The following NBEA variants were observed in gnomAD, a reference collection of about 807,000 sequenced individuals.
The protein encoded by NBEA is lysosomal-trafficking regulator 2.
A neutral mutation model predicts 343.4 loss-of-function variants in NBEA; 44 were observed. The ratio of observed to expected loss-of-function variants is 0.13; its 90% CI spans 0.10 to 0.16. NBEA has a LOEUF of 0.16. NBEA is among the 10% of genes least tolerant of loss of function. The pLI is 1.00. For missense variants in NBEA, 2,555 were observed against 3,631.3 expected (o/e 0.70, Z 7.62); for synonymous variants, 1,175 against 1,238.7 (o/e 0.95, Z 1.08).
At chr13:35,151,404 G>A (rs889832236) in intron 18 of NBEA, among the ~76,000 whole-genome samples, 11 of 151,824 alleles carry the variant, frequency 7.2e-5, no homozygotes, top group Admixed American at 5.3e-4. Flanking sequence ...TTAGCCAGGC[G>A]TGGTGGCGCA....
At chr13:35,250,396 G>A (rs1481370582) in intron 34 of NBEA, among the ~76,000 whole-genome samples, 1 of 152,072 alleles carries the variant, frequency 6.6e-6, no homozygotes, top group East Asian at 1.9e-4. Flanking sequence ...ATTTGTGGAT[G>A]GGTTAAATAC....
At chr13:35,288,714 T>C (rs1594088482) in intron 34 of NBEA, among the ~76,000 whole-genome samples, 1 of 152,100 alleles carries the variant, frequency 6.6e-6, no homozygotes, top group East Asian at 1.9e-4. Flanking sequence ...TTATTATATA[T>C]TTAAAAACTC....
intron 1 of NBEA, among the ~76,000 whole-genome samples, chr13:34,951,759 G>A (rs1247704251): frequency 1.3e-5 from 2 of 152,190 alleles, no homozygotes; most frequent in Non-Finnish European, 2.9e-5. Context: ...TTCTCTCACA[G>A]GGCTGACTTT....
intron 17 of NBEA, among the ~76,000 whole-genome samples, chr13:35,134,885 T>G (rs150536805): frequency 4.1e-4 from 62 of 152,108 alleles, no homozygotes; most frequent in African/African-American, 1.4e-3. Flanking sequence ...GAAAGCCTTT[T>G]CAAATTATAG....
intron 36 of NBEA, among the ~76,000 whole-genome samples, chr13:35,333,511 G>A (rs142840225): frequency 1.5e-3 from 221 of 152,048 alleles, no homozygotes; most frequent in African/African-American, 5.0e-3. Context: ...GGTATCCAGC[G>A]CCTCAGGCAT....
intron 41 of NBEA, among the ~76,000 whole-genome samples, chr13:35,513,421 G>A (rs983662348): frequency 6.7e-6 from 1 of 149,846 alleles, no homozygotes; most frequent in Non-Finnish European, 1.5e-5. Flanking sequence ...AAAGTGCTAG[G>A]ATTACAGGCA....
At chr13:35,575,436 A>G (rs551435474) in intron 45 of NBEA, among the ~76,000 whole-genome samples, 2 of 152,170 alleles carry the variant, frequency 1.3e-5, no homozygotes, top group Non-Finnish European at 2.9e-5. Flanking sequence ...TTGATTGGAA[A>G]GGTTTTGTTT....
intron 29 of NBEA, 144 bp downstream of exon 29, chr13:35,182,672 C>T (rs1282961483): frequency 4.0e-6 from 3 of 749,810 alleles, no homozygotes; most frequent in East Asian, 3.1e-5. Flanking sequence ...ATTTAGTATT[C>T]CTTAATTCAA....
At chr13:35,212,485 C>G (rs2073838039) in intron 33 of NBEA, among the ~76,000 whole-genome samples, 1 of 152,026 alleles carries the variant, frequency 6.6e-6, no homozygotes, top group South Asian at 2.1e-4. Context: ...CTTATAATTA[C>G]TATGAGTATA....
intron 41 of NBEA, among the ~76,000 whole-genome samples, chr13:35,487,476 G>T: frequency 6.6e-6 from 1 of 151,872 alleles, no homozygotes; most frequent in Non-Finnish European, 1.5e-5. Flanking sequence ...GGGCAGGAAA[G>T]AACTCTGGAG....
chr13:34,959,776 T>C (rs1278828250), intron 1 of NBEA, among the ~76,000 whole-genome samples: 2 of 152,034 alleles, frequency 1.3e-5, no homozygotes, highest in Non-Finnish European at 1.5e-5. Context: ...AAAATTCTTA[T>C]CTCCTAGTGA....
chr13:35,528,599 G>A (rs2078097379), intron 41 of NBEA, among the ~76,000 whole-genome samples: 1 of 152,128 alleles, frequency 6.6e-6, no homozygotes, highest in South Asian at 2.1e-4. Flanking sequence ...GGGTCAGTAG[G>A]CCACAGCTCT....
intron 39 of NBEA, among the ~76,000 whole-genome samples, chr13:35,443,645 A>G (rs2045854583): frequency 6.6e-6 from 1 of 151,974 alleles, no homozygotes; most frequent in South Asian, 2.1e-4. Flanking sequence ...CAACAAATAG[A>G]AAGTCTATTT....
intron 49 of NBEA, among the ~76,000 whole-genome samples, chr13:35,629,213 G>T (rs2083352229): frequency 6.6e-6 from 1 of 152,122 alleles, no homozygotes. Flanking sequence ...TCAAGGAAGT[G>T]ATATCCCAGT....
intron 38 of NBEA, among the ~76,000 whole-genome samples, chr13:35,363,783 C>T (rs1357064645): frequency 6.6e-6 from 1 of 151,904 alleles, no homozygotes; most frequent in Non-Finnish European, 1.5e-5. Context: ...GTTTGAACCT[C>T]TGACAGTTAA....
At chr13:35,573,635 A>T (rs903725080) in intron 45 of NBEA, among the ~76,000 whole-genome samples, 3 of 152,108 alleles carry the variant, frequency 2.0e-5, no homozygotes, top group Non-Finnish European at 2.9e-5. Context: ...GTTCCTTCCC[A>T]CTTAGCCAGC....
rs759759717 is a variant in NBEA at position 35,606,549 on chromosome 13, C to G, written c.7420C>G (p.Pro2474Ala). 2 of 1,605,498 alleles carry G rather than the reference C, an allele frequency of 1.2e-6. No individual in the cohort carries two copies. The highest frequency in any genetic ancestry group is 1.7e-6 in the Non-Finnish European group (2 of 1,174,602). The change falls in exon 48 of 59, where the codon CCT becomes GCT. Residue 2474 changes from proline (P) to alanine (A), a missense_variant. By Grantham distance (27) the Pro-to-Ala change is conservative. This residue lies in a region of NBEA where 156 missense variants were observed against 185.8 expected (regional missense o/e 0.84). Transcript: ENST00000379939. ...TGATCTTCCCCCTTGGGCAAAAAAACCTGAAGACTTTGTGCGGATCAACAG... is the reference window on the plus strand; with the variant it reads ...TGATCTTCCCCCTTGGGCAAAAAAAGCTGAAGACTTTGTGCGGATCAACAG... ...DVDLPPWAKK[P>A]EDFVRINRMA...
At chr13:35,608,551 A>C (rs2082377156) in intron 48 of NBEA, among the ~76,000 whole-genome samples, 1 of 152,198 alleles carries the variant, frequency 6.6e-6, no homozygotes, top group South Asian at 2.1e-4. Flanking sequence ...TCCAGAGCTC[A>C]GAGCCCTGCT....
chr13:34,968,292 A>G (rs2059891470), intron 1 of NBEA, among the ~76,000 whole-genome samples: 1 of 151,998 alleles, frequency 6.6e-6, no homozygotes, highest in Non-Finnish European at 1.5e-5. Context: ...ATGTGGCCTG[A>G]TTTATGGGCC....
Sources: allele counts gnomAD v4.1 joint callset (sites outside exome capture counted in the v4.1 genomes callset), GRCh38; gene constraint gnomAD v4.1.1; regional missense constraint gnomAD v4.1.1; transcripts MANE v1.5; gene names NCBI Gene and HGNC (gene_info 2026-07-23, HGNC 2026-07-21).